The following PHIP variants were observed in gnomAD, a reference collection of about 807,000 sequenced individuals.
PHIP encodes the protein PH-interacting protein.
In PHIP, 54 loss-of-function variants were observed where a neutral mutation model predicts 236.8. The observed-to-expected ratio is 0.23, with a 90% CI of 0.18 to 0.29. The LOEUF is 0.29. Ranked by LOEUF, PHIP falls within the 10% of genes least tolerant of loss-of-function variation. The pLI is 1.00. For missense variants in PHIP, 1,370 were observed against 2,190.8 expected (o/e 0.63, Z 7.48); for synonymous variants, 756 against 718.9 (o/e 1.05, Z -0.83).
intron 35 of PHIP, among the ~76,000 whole-genome samples, chr6:78,950,328 G>A (rs1190651096): frequency 1.3e-5 from 2 of 151,984 alleles, no homozygotes; most frequent in Non-Finnish European, 2.9e-5. Context: ...TACTCTTATT[G>A]TCTGGTTTTG....
intron 4 of PHIP, among the ~76,000 whole-genome samples, chr6:79,073,777 G>A (rs1426697081): frequency 1.3e-5 from 2 of 152,062 alleles, no homozygotes; most frequent in Non-Finnish European, 2.9e-5. Context: ...ATTTTACAAC[G>A]TAGTTAGTGT....
chr6:78,971,898 T>C (rs1711757862), intron 24 of PHIP, among the ~76,000 whole-genome samples: 1 of 152,268 alleles, frequency 6.6e-6, no homozygotes. Flanking sequence ...GTCTCGCTGA[T>C]TGCTAGCACA....
rs1167400695 is a variant in PHIP, at chr6:78,939,727, A to T, written c.*966T>A. On this transcript the variant is annotated 3_prime_UTR_variant, in exon 40 of 40. Coordinates refer to ENST00000275034, the MANE Select transcript of PHIP (RefSeq NM_017934.7). ...AATCCAGATCAACAAGTAAACATCA[A>T]ATCCCATACCTTTTTTCCTGTATTT... 1 of 152,028 alleles carries T rather than the reference A, an allele frequency of 6.6e-6. No individual in the cohort carries two copies. The highest frequency in any genetic ancestry group is 1.5e-5 in the Non-Finnish European group (1 of 67,818). The allele number at this position is 152,028 out of a possible 1,614,324, so 9.4% of individuals were successfully genotyped here.
At position 79,025,980 on chromosome 6, in the gene PHIP, ACAGC is replaced by A. The variant is rs1771381631; in HGVS notation, c.781_784del (p.Ala261PhefsTer46). The A allele has an allele frequency of 6.2e-7, 1 of 1,613,680 alleles. No homozygotes were observed. Among genetic ancestry groups the A allele is most frequent in the Non-Finnish European group, 8.5e-7 (1 of 1,179,770 alleles). ...AATAGATGCACTATGGCCCTGAAGA[ACAGC>A]CAAAGGTGCACAGGTTCGAAGACAC... On this transcript the variant is annotated frameshift_variant, in exon 8 of 40. Coordinates refer to ENST00000275034, the MANE Select transcript of PHIP (RefSeq NM_017934.7). LOFTEE classifies it high-confidence loss of function.
intron 16 of PHIP, among the ~76,000 whole-genome samples, chr6:79,003,378 T>A (rs1351980769): frequency 6.6e-6 from 1 of 152,094 alleles, no homozygotes; most frequent in Non-Finnish European, 1.5e-5. Flanking sequence ...ACGTATTATC[T>A]ATATTAAAAA....
chr6:79,060,302 A>G (rs1773309915), intron 6 of PHIP, among the ~76,000 whole-genome samples, 176 bp downstream of exon 6: 1 of 152,210 alleles, frequency 6.6e-6, no homozygotes, highest in Non-Finnish European at 1.5e-5. Context: ...CCCTCATTAT[A>G]CATGACTTTT....
At position 79,017,498 on chromosome 6, in the gene PHIP, T is replaced by C. The variant is rs957707894; in HGVS notation, c.1080A>G (p.Glu360=). 1 of 1,609,760 alleles carries C rather than the reference T, an allele frequency of 6.2e-7. No individual in the cohort carries two copies. Among genetic ancestry groups the C allele is most frequent in the Non-Finnish European group, 8.5e-7 (1 of 1,176,532 alleles). Reference sequence around the variant, plus strand: ...CAATACTTACAGTATGAAACTCCAATTCTGATATTTTCTCTGGCTGACCTG... The same window carrying C: ...CAATACTTACAGTATGAAACTCCAACTCTGATATTTTCTCTGGCTGACCTG... ...FGSGQPEKIS[E]LEFHTDKVDS... is the part of the protein sequence containing the mutation. Residue 360 remains glutamate (E), a synonymous_variant, in exon 11 of 40, where the codon GAA becomes GAG. Coordinates refer to ENST00000275034, the MANE Select transcript of PHIP (RefSeq NM_017934.7).
intron 4 of PHIP, among the ~76,000 whole-genome samples, chr6:79,075,814 G>A (rs906956822): frequency 6.6e-6 from 1 of 152,074 alleles, no homozygotes; most frequent in Admixed American, 6.5e-5. Context: ...AGATGTAAAA[G>A]CAGATGCAAA....
intron 30 of PHIP, 55 bp downstream of exon 30, chr6:78,963,042 T>G (rs746728482): frequency 2.2e-5 from 33 of 1,480,928 alleles, no homozygotes; most frequent in Non-Finnish European, 2.9e-5. Context: ...ACAGTATTTT[T>G]CCATTACTTT....
rs1262096009 is a variant in PHIP, at chr6:79,016,550, G to A, written c.1229C>T (p.Pro410Leu). ...KSILLDMATR[P>L]AGQNLQGIED... ...TTCAAATTTGACCTCTTACCCTGCT[G>A]GACGAGTAGCCATATCCAACAAAAT... Residue 410 changes from proline to leucine, a missense_variant, in exon 13 of 40, where the codon CCA becomes CTA. By Grantham distance (98) the Pro-to-Leu change is moderately conservative. Coordinates refer to ENST00000275034, the MANE Select transcript of PHIP (RefSeq NM_017934.7). 5.0e-6 allele frequency: 8 copies of A among 1,600,736 alleles called. No homozygotes were observed. The highest frequency in any genetic ancestry group is 6.0e-6 in the Non-Finnish European group (7 of 1,168,932).
chr6:79,052,137 T>C (rs1445338015), intron 6 of PHIP, among the ~76,000 whole-genome samples: 1 of 152,170 alleles, frequency 6.6e-6, no homozygotes, highest in African/African-American at 2.4e-5. Flanking sequence ...TAGGGAAATC[T>C]TGAAATATAT....
At position 78,938,330 on chromosome 6, in the gene PHIP, CTCA is replaced by C. The variant is rs1773348207; in HGVS notation, c.*2360_*2362del. 2 of 151,586 alleles carry C rather than the reference CTCA, an allele frequency of 1.3e-5. No homozygotes were observed. Among genetic ancestry groups the C allele is most frequent in the African/African-American group, 2.4e-5 (1 of 41,392 alleles). 9.4% of individuals were successfully genotyped at this position (151,586 alleles called of 1,614,324 possible). A position where few individuals can be genotyped will look rare whatever the true frequency, so the allele number is the denominator to read the frequency against. On this transcript the variant is annotated 3_prime_UTR_variant, in exon 40 of 40. Coordinates refer to ENST00000275034, the MANE Select transcript of PHIP (RefSeq NM_017934.7). The stretch of plus-strand genomic sequence containing the variant: ...CATGTTATAGGAAAGATGGTAAATA[CTCA>C]TTTCTTTGCTTGAGTTGGAATTAAC...
At chr6:79,046,282 TTTCTCAGATGTC>T (rs1772479558) in intron 6 of PHIP, among the ~76,000 whole-genome samples, 1 of 152,178 alleles carries the variant, frequency 6.6e-6, no homozygotes, top group Admixed American at 6.6e-5. Flanking sequence ...TTTCAAGTCT[TTTCTCAGATGTC>T]TGTTACCTTC....
chr6:79,061,859 T>TA (rs1359961298), intron 4 of PHIP, among the ~76,000 whole-genome samples: 1 of 152,180 alleles, frequency 6.6e-6, no homozygotes, highest in Non-Finnish European at 1.5e-5. Flanking sequence ...GGTGAGGATT[T>TA]AAATCATCTC....
At chr6:78,991,404 T>C (rs1166135646) in intron 19 of PHIP, among the ~76,000 whole-genome samples, 1 of 151,626 alleles carries the variant, frequency 6.6e-6, no homozygotes, top group Non-Finnish European at 1.5e-5. Context: ...CAACAGACCC[T>C]GAGGTTACAC....
intron 16 of PHIP, among the ~76,000 whole-genome samples, chr6:79,002,871 A>T (rs963815040): frequency 6.6e-6 from 1 of 152,108 alleles, no homozygotes. Flanking sequence ...TAAAAATCAC[A>T]TAAGATTTTC....
chr6:79,077,392 C>G, intron 4 of PHIP, 56 bp downstream of exon 4: 1 of 1,468,326 alleles, frequency 6.8e-7, no homozygotes, highest in Non-Finnish European at 9.5e-7. Context: ...GCGGGAAATT[C>G]AATTTTTATT....
At chr6:79,075,379 T>A (rs937297333) in intron 4 of PHIP, among the ~76,000 whole-genome samples, 2 of 152,138 alleles carry the variant, frequency 1.3e-5, no homozygotes, top group Non-Finnish European at 2.9e-5. Flanking sequence ...CAAGTTCTAA[T>A]AAGATTTCTA....
At chr6:78,995,659 T>C (rs978856392) in intron 19 of PHIP, among the ~76,000 whole-genome samples, 3 of 152,248 alleles carry the variant, frequency 2.0e-5, no homozygotes, top group African/African-American at 7.2e-5. Context: ...ATTTGTCATC[T>C]ATAGATCCTC....
Sources: gnomAD v4.1 joint callset for allele counts (sites outside exome capture counted in the v4.1 genomes callset) on GRCh38, gnomAD v4.1.1 for gene constraint, MANE v1.5 for transcripts, NCBI Gene and HGNC (gene_info 2026-07-23, HGNC 2026-07-21) for gene names.